Variants in F13B observed in about 807,000 individuals in gnomAD.
F13B encodes the protein coagulation factor XIII B chain.
A neutral mutation model predicts 79.8 loss-of-function variants in F13B; 58 were observed. That is an observed-to-expected ratio of 0.73 (90% CI 0.59 to 0.90). The LOEUF is 0.90. F13B is among the 40% of genes least tolerant of loss of function. The probability of loss-of-function intolerance (pLI) is 0.00; values close to 1 mark genes in which losing one functional copy is unlikely to be tolerated. For missense variants in F13B, 773 were observed against 777.0 expected (o/e 0.99, Z 0.06); for synonymous variants, 283 against 260.3 (o/e 1.09, Z -0.84).
Position 197,063,058 on chromosome 1 carries a change from CT to C in F13B, c.65-2del, listed in dbSNP as rs748297201. On this transcript the variant is annotated splice_acceptor_variant, in intron 1 of 11. Coordinates refer to ENST00000367412, the MANE Select transcript of F13B (RefSeq NM_001994.3). LOFTEE classifies it high-confidence loss of function. ...ACATGAGGAAAACCACAGGGTTTCTCTGAAATGAGTAAATGTCAAGCTGAAA... is the reference window on the plus strand; with the variant it reads ...ACATGAGGAAAACCACAGGGTTTCTCGAAATGAGTAAATGTCAAGCTGAAA... 24 of 1,608,810 alleles carry C rather than the reference CT, an allele frequency of 1.5e-5. No individual in the cohort carries two copies. The East Asian group carries it at 5.4e-4, about 36-fold the overall frequency.
chr1:197,061,187 A>C (rs1615413), intron 3 of F13B, 112 bp from the exon 4 acceptor site: 1 of 589,092 alleles, frequency 1.7e-6, no homozygotes, highest in Non-Finnish European at 2.7e-6. Flanking sequence ...ATCAACTCTT[A>C]GCAAAATTGA....
rs1655619487 is a variant in F13B, at chr1:197,055,779, T to C, written c.1290A>G (p.Leu430=). ...SVEYRCNEYY[L]LRGSKISRCE... ...AACGAGATATTTTTGATCCCCTCAG[T>C]AAGTAATATTCATTGCATCTATATT... The change falls in exon 8 of 12, where the codon TTA becomes TTG. Residue 430 remains leucine (L), a synonymous_variant. Coordinates refer to ENST00000367412, the MANE Select transcript of F13B (RefSeq NM_001994.3). 1.2e-6 allele frequency: 2 copies of C among 1,613,650 alleles called. No individual in the cohort carries two copies. The highest frequency in any genetic ancestry group is 3.3e-5 in the Admixed American group (2 of 59,900).
intron 10 of F13B, among the ~76,000 whole-genome samples, chr1:197,042,512 T>G (rs1013669970): frequency 2.6e-5 from 4 of 151,636 alleles, no homozygotes; most frequent in African/African-American, 9.7e-5. Context: ...AAAAATGTAT[T>G]CAGGTGAGTT....
At chr1:197,056,480 G>A (rs1655644979) in intron 7 of F13B, among the ~76,000 whole-genome samples, 1 of 152,018 alleles carries the variant, frequency 6.6e-6, no homozygotes, top group Non-Finnish European at 1.5e-5. Context: ...TGATAGTGTA[G>A]CCTGGTGGTG....
At chr1:197,058,638 A>T (rs537426832) in intron 5 of F13B, among the ~76,000 whole-genome samples, 2 of 152,194 alleles carry the variant, frequency 1.3e-5, no homozygotes, top group South Asian at 4.1e-4. Context: ...CCCTTTTATA[A>T]AAGCATTTGT....
In F13B at chr1:197,057,050, A is replaced by C. The variant is rs1655668068; in HGVS notation, c.1134T>G (p.Cys378Trp). 1 of 1,613,700 alleles carries C rather than the reference A, an allele frequency of 6.2e-7. No individual in the cohort carries two copies. Among genetic ancestry groups the C allele is most frequent in the African/African-American group, 1.3e-5 (1 of 74,932 alleles). ...GAGGAAGTGTCCATTTTCCACGATT[A>C]CAAGTTATCTCATTCGATCCATGGA... ...YLLHGSNEIT[C>W]NRGKWTLPPE... The change falls in exon 7 of 12, where the codon TGT becomes TGG. Residue 378 changes from cysteine (C) to tryptophan (W), a missense_variant. Cys to Trp is a radical substitution (Grantham distance 215). Transcript: ENST00000367412.
chr1:197,053,069 C>T (rs142727566), intron 8 of F13B, among the ~76,000 whole-genome samples: 52 of 151,946 alleles, frequency 3.4e-4, no homozygotes, highest in African/African-American at 1.0e-3. Flanking sequence ...ATCAAAAATA[C>T]TATTTAAGGG....
At chr1:197,063,082 A>T in intron 1 of F13B, 25 bp from the exon 2 acceptor site, 1 of 1,588,466 alleles carries the variant, frequency 6.3e-7, no homozygotes, top group Non-Finnish European at 8.6e-7. Context: ...TGTCAAGCTG[A>T]AAATGGAAAA....
intron 4 of F13B, 142 bp downstream of exon 4, chr1:197,060,755 CAA>C: frequency 1.3e-6 from 1 of 796,494 alleles, no homozygotes; most frequent in Admixed American, 2.3e-5. Flanking sequence ...CTTTAATTAT[CAA>C]AGACTGCTAT....
intron 11 of F13B, among the ~76,000 whole-genome samples, chr1:197,039,695 A>T (rs1654967280): frequency 6.6e-6 from 1 of 151,998 alleles, no homozygotes; most frequent in African/African-American, 2.4e-5. Context: ...AGCATATAAA[A>T]TTTTTTCCAC....
rs988712137 is a variant in F13B at position 197,038,794 on chromosome 1, T to C, written c.*584A>G. ...GTCTCTTTAACAATATTTGAGCACA[T>C]GTTCAAATATGGTAGTACACCACCT... On this transcript the variant is annotated 3_prime_UTR_variant, in exon 12 of 12. Transcript: ENST00000367412. Among the ~76,000 whole-genome samples, 3 of 152,184 alleles carry C rather than the reference T, an allele frequency of 2.0e-5. No individual in the cohort carries two copies. Among genetic ancestry groups the C allele is most frequent in the East Asian group, 3.9e-4 (2 of 5,192 alleles).
At chr1:197,045,224 GT>G (rs982417417) in intron 10 of F13B, among the ~76,000 whole-genome samples, 2 of 151,954 alleles carry the variant, frequency 1.3e-5, no homozygotes, top group Non-Finnish European at 2.9e-5. Flanking sequence ...TCCAGGAACT[GT>G]TTTTTTAAAA....
At chr1:197,067,123 G>A (rs1364599080) in intron 1 of F13B, 37 bp downstream of exon 1, 2 of 1,257,394 alleles carry the variant, frequency 1.6e-6, no homozygotes, top group Admixed American at 1.7e-5. Flanking sequence ...CCATTTGTAT[G>A]TTTTAGAGAA....
At chr1:197,065,416 A>T (rs1656012337) in intron 1 of F13B, among the ~76,000 whole-genome samples, 1 of 152,218 alleles carries the variant, frequency 6.6e-6, no homozygotes. Flanking sequence ...AACATATTAA[A>T]AAAAGTACAT....
Position 197,052,793 on chromosome 1 carries a change from T to A in F13B, c.1396A>T (p.Ile466Leu), listed in dbSNP as rs762576464. Reference protein sequence around the residue: ...VNVDYMNRNNIEMKWKYEGKV... With the variant: ...VNVDYMNRNNLEMKWKYEGKV... ...CCTTCATATTTCCACTTCATTTCTA[T>A]GTTATTTCTGTTCATGTAATCCACA... The change falls in exon 9 of 12, where the codon ATA becomes TTA. Residue 466 changes from isoleucine to leucine, a missense_variant. Transcript: ENST00000367412. The A allele has an allele frequency of 6.2e-7, 1 of 1,610,612 alleles. No individual in the cohort carries two copies. The highest frequency in any genetic ancestry group is 8.5e-7 in the Non-Finnish European group (1 of 1,178,610).
chr1:197,045,583 A>G (rs1655199137), intron 10 of F13B, among the ~76,000 whole-genome samples: 1 of 150,758 alleles, frequency 6.6e-6, no homozygotes, highest in Non-Finnish European at 1.5e-5. Flanking sequence ...CCAAAGGTAC[A>G]AAGAGGAGCT....
intron 10 of F13B, among the ~76,000 whole-genome samples, chr1:197,047,225 C>A (rs560867251): frequency 6.6e-6 from 1 of 152,258 alleles, no homozygotes; most frequent in Admixed American, 6.5e-5. Context: ...GAACAGGCAA[C>A]CTACAGAATG....
chr1:197,065,074 T>G (rs1206431109), intron 1 of F13B, among the ~76,000 whole-genome samples: 2 of 152,198 alleles, frequency 1.3e-5, no homozygotes, highest in South Asian at 4.1e-4. Context: ...TTGAGAATTA[T>G]TCTCACCATT....
chr1:197,054,334 A>C (rs1401273644), intron 8 of F13B, among the ~76,000 whole-genome samples: 1 of 152,102 alleles, frequency 6.6e-6, no homozygotes, highest in Non-Finnish European at 1.5e-5. Flanking sequence ...CAACCAAAGC[A>C]TCAAAAACTT....
Sources: allele counts gnomAD v4.1 joint callset (sites outside exome capture counted in the v4.1 genomes callset), GRCh38; gene constraint gnomAD v4.1.1; transcripts MANE v1.5; gene names NCBI Gene and HGNC (gene_info 2026-07-23, HGNC 2026-07-21).